PCDH11X: variants seen among roughly 807,000 people sequenced by gnomAD.
PCDH11X encodes the protein protocadherin 11 X-linked.
A neutral mutation model predicts 53.3 loss-of-function variants in PCDH11X; 18 were observed. The observed-to-expected ratio is 0.34, with a 90% CI of 0.23 to 0.50. The LOEUF (loss-of-function observed/expected upper bound fraction) is 0.50, where lower values mean the gene tolerates loss of function less well. Among genes scored for constraint, PCDH11X ranks in the 20% least tolerant of loss-of-function variants. The pLI is 0.98. For synonymous variants in PCDH11X, 279 were observed against 393.3 expected (o/e 0.71, Z 3.44); for missense variants, 570 against 1,032.4 (o/e 0.55, Z 6.14).
At chrX:92,306,701 G>A (rs1161813834) in intron 8 of PCDH11X, among the ~76,000 whole-genome samples, 1 of 110,227 alleles carries the variant, frequency 9.1e-6, no homozygotes, top group Admixed American at 9.7e-5. Flanking sequence ...CAGCACTTTG[G>A]GAGGCCAAGG....
At chrX:91,968,892 TGTTGGTAGAC>T (rs1317294573) in intron 6 of PCDH11X, among the ~76,000 whole-genome samples, 1 of 112,036 alleles carries the variant, frequency 8.9e-6, no homozygotes, top group Non-Finnish European at 1.9e-5. Context: ...TAAATGTTAA[TGTTGGTAGAC>T]GTCAATTCAA....
intron 7 of PCDH11X, among the ~76,000 whole-genome samples, chrX:92,219,056 T>C (rs1323723615): frequency 9.0e-6 from 1 of 110,938 alleles, no homozygotes; most frequent in Non-Finnish European, 1.9e-5. Flanking sequence ...TCAAAATAAT[T>C]AGAGCTATCT....
intron 9 of PCDH11X, among the ~76,000 whole-genome samples, chrX:92,439,768 C>T (rs769252073): frequency 1.9e-4 from 20 of 105,717 alleles, no homozygotes; most frequent in African/African-American, 6.8e-4. Flanking sequence ...ATCCCTTCTT[C>T]TGCTTGCATC....
chrX:91,999,017 G>C (rs1346130138), intron 6 of PCDH11X, among the ~76,000 whole-genome samples: 2 of 109,855 alleles, frequency 1.8e-5, no homozygotes, highest in Non-Finnish European at 3.8e-5. Context: ...CGGCTCAAAG[G>C]ATCCTCCCAC....
chrX:92,269,709 A>G (rs2067909723), intron 8 of PCDH11X, among the ~76,000 whole-genome samples: 1 of 111,358 alleles, frequency 9.0e-6, no homozygotes, highest in Admixed American at 9.6e-5. Context: ...TTTGTCAATA[A>G]AAAAATATAT....
At chrX:91,996,250 G>A (rs1421577641) in intron 6 of PCDH11X, among the ~76,000 whole-genome samples, 2 of 101,900 alleles carry the variant, frequency 2.0e-5, no homozygotes, top group South Asian at 5.0e-4. Context: ...AGGTTCAAGC[G>A]ATGATTCTCC....
chrX:92,208,148 T>A (rs1292280590), intron 7 of PCDH11X, among the ~76,000 whole-genome samples: 1 of 104,444 alleles, frequency 9.6e-6, no homozygotes, highest in Non-Finnish European at 1.9e-5. Flanking sequence ...TGAGCTGAGA[T>A]TGTACCAATG....
intron 10 of PCDH11X, among the ~76,000 whole-genome samples, chrX:92,504,090 A>G (rs1394826764): frequency 1.1e-5 from 1 of 94,680 alleles, no homozygotes; most frequent in Non-Finnish European, 2.1e-5. Flanking sequence ...AGAGCACAAT[A>G]TCTGTCTTCA....
At chrX:91,883,965 G>A in intron 6 of PCDH11X, 1 of 667,663 alleles carries the variant, frequency 1.5e-6, no homozygotes, top group South Asian at 7.9e-5. Context: ...CGAGGTGGGT[G>A]GATCACCTGA....
chrX:91,968,698 A>G (rs1440356956), intron 6 of PCDH11X, among the ~76,000 whole-genome samples: 1 of 111,599 alleles, frequency 9.0e-6, no homozygotes, highest in African/African-American at 3.3e-5. Context: ...TCTTTTAAGA[A>G]GTTTTTTCAA....
chrX:91,932,223 T>C (rs1602517150), intron 6 of PCDH11X, among the ~76,000 whole-genome samples: 2 of 111,116 alleles, frequency 1.8e-5, no homozygotes, highest in Middle Eastern at 9.4e-3. Context: ...TTTGATGGCC[T>C]GTTCTTGACC....
rs745792698 is a variant in PCDH11X, at chrX:91,987,616, A to T, written c.3033+108343A>T. On this transcript the variant is annotated intron_variant, in intron 6 of 10. Transcript: ENST00000682573. ...ATCCACTATGAAGATTTTACATTGT[A>T]TGATGGAAAAATGCTTCATACATAA... 2.7e-5 allele frequency among the ~76,000 whole-genome samples: 3 copies of T among 111,613 alleles called. No individual in the cohort carries two copies. The East Asian group carries it at 8.5e-4, about 31-fold the overall frequency.
At chrX:91,816,196 TAATA>T in intron 4 of PCDH11X, among the ~76,000 whole-genome samples, 1 of 111,807 alleles carries the variant, frequency 8.9e-6, no homozygotes, top group South Asian at 3.7e-4. Flanking sequence ...TATAATTATG[TAATA>T]AATTCTGAAA....
chrX:92,285,414 C>T (rs2522591), intron 8 of PCDH11X, among the ~76,000 whole-genome samples: 14 of 109,442 alleles, frequency 1.3e-4, no homozygotes, highest in South Asian at 4.0e-4. Context: ...CCACCATGCC[C>T]GGCAAATCTT....
intron 8 of PCDH11X, among the ~76,000 whole-genome samples, chrX:92,330,501 G>A (rs1289613639): frequency 9.1e-6 from 1 of 110,061 alleles, no homozygotes; most frequent in African/African-American, 3.3e-5. Flanking sequence ...GAACATGTTG[G>A]AAAACAGTTG....
rs752760091 is a variant in PCDH11X at position 92,491,481 on chromosome X, G to A, written c.3367+23159G>A. On this transcript the variant is annotated intron_variant, in intron 10 of 10. Coordinates refer to ENST00000682573, the MANE Select transcript of PCDH11X (RefSeq NM_032968.5). ...ATTGTCTATATTTAAGGTGTTCAAC[G>A]TGATGTTTTTGTACACCTCTGCGTA... Among the ~76,000 whole-genome samples the A allele has an allele frequency of 4.5e-3, 492 of 109,983 alleles. 2 individuals carry two copies. The highest frequency in any genetic ancestry group is 0.014 in the African/African-American group (430 of 30,302).
Position 92,119,194 on chromosome X carries a change from A to T in PCDH11X, c.3034-82181A>T, listed in dbSNP as rs1436683770. 9.1e-5 allele frequency among the ~76,000 whole-genome samples: 10 copies of T among 109,686 alleles called. No individual in the cohort carries two copies. In the East Asian group the frequency reaches 2.9e-3, roughly 31 times the overall value. On this transcript the variant is annotated intron_variant, in intron 6 of 10. Transcript: ENST00000682573. Reference sequence around the variant, plus strand: ...CATCATGGCTCACTGCAGCCTCCACATCCCAGGCTCAAGCAATTTTCCCAC... The same window carrying T: ...CATCATGGCTCACTGCAGCCTCCACTTCCCAGGCTCAAGCAATTTTCCCAC...
At chrX:92,395,234 T>C (rs1208020146) in intron 9 of PCDH11X, among the ~76,000 whole-genome samples, 2 of 111,673 alleles carry the variant, frequency 1.8e-5, no homozygotes, top group Admixed American at 9.6e-5. Flanking sequence ...AAAAGTTTAT[T>C]TTTTTCTTAG....
At chrX:92,230,442 A>C (rs1278137054) in intron 7 of PCDH11X, among the ~76,000 whole-genome samples, 2 of 19,424 alleles carry the variant, frequency 1.0e-4, no homozygotes, top group Non-Finnish European at 3.7e-4. Flanking sequence ...TATATTATAT[A>C]TTTATATATA....
Sources: gnomAD v4.1 joint callset for allele counts (sites outside exome capture counted in the v4.1 genomes callset) on GRCh38, gnomAD v4.1.1 for gene constraint, MANE v1.5 for transcripts, NCBI Gene and HGNC (gene_info 2026-07-23, HGNC 2026-07-21) for gene names.